The following THSD7A variants were observed in gnomAD, a reference collection of about 807,000 sequenced individuals.
THSD7A encodes thrombospondin type-1 domain-containing protein 7A.
THSD7A carries 96 observed loss-of-function variants against 231.3 expected under a neutral mutation model. The ratio of observed to expected loss-of-function variants is 0.41; its 90% CI spans 0.35 to 0.49. The LOEUF (loss-of-function observed/expected upper bound fraction) is 0.49, where lower values mean the gene tolerates loss of function less well. Among genes scored for constraint, THSD7A ranks in the 20% least tolerant of loss-of-function variants. The pLI is 0.05. For missense variants in THSD7A, 2,290 were observed against 2,070.2 expected (o/e 1.11, Z -2.06); for synonymous variants, 940 against 743.3 (o/e 1.26, Z -4.30).
At chr7:11,605,351 A>G (rs908322590) in intron 2 of THSD7A, among the ~76,000 whole-genome samples, 1 of 152,116 alleles carries the variant, frequency 6.6e-6, no homozygotes, top group African/African-American at 2.4e-5. Context: ...AATGAGCCCA[A>G]TAATTTCTCA....
intron 1 of THSD7A, among the ~76,000 whole-genome samples, chr7:11,793,573 T>C (rs541529702): frequency 6.6e-6 from 1 of 151,872 alleles, no homozygotes; most frequent in African/African-American, 2.4e-5. Context: ...AGATATATTG[T>C]TTTAAAATGA....
At chr7:11,385,623 A>G (rs1214382382) in intron 23 of THSD7A, 1 of 152,094 alleles carries the variant, frequency 6.6e-6, no homozygotes, top group African/African-American at 2.4e-5. Context: ...TTATTTGGTT[A>G]TCTTTGTATT....
chr7:11,544,005 G>C (rs1279010245), intron 4 of THSD7A, among the ~76,000 whole-genome samples: 1 of 151,910 alleles, frequency 6.6e-6, no homozygotes, highest in African/African-American at 2.4e-5. Context: ...TATAATATCT[G>C]TCTGTCTATC....
rs1005281250 is a variant in THSD7A at position 11,370,700 on chromosome 7, T to C, written c.*5094A>G. Reference sequence around the variant, plus strand: ...CAAAAATTCTTAGACAGCTGCCTCCTTATTTAAACAAAATAAATATTCAGG... The same window carrying C: ...CAAAAATTCTTAGACAGCTGCCTCCCTATTTAAACAAAATAAATATTCAGG... On this transcript the variant is annotated 3_prime_UTR_variant, in exon 28 of 28. Transcript: ENST00000423059. 2 of 152,002 alleles carry C rather than the reference T, an allele frequency of 1.3e-5. No homozygotes were observed. The highest frequency in any genetic ancestry group is 2.9e-5 in the Non-Finnish European group (2 of 68,014). The allele number at this position is 152,002 out of a possible 1,614,324, so 9.4% of individuals were successfully genotyped here.
intron 22 of THSD7A, among the ~76,000 whole-genome samples, chr7:11,405,385 GAA>G (rs1443409641): frequency 6.6e-6 from 1 of 151,972 alleles, no homozygotes; most frequent in Non-Finnish European, 1.5e-5. Flanking sequence ...ACATTCAAAA[GAA>G]AATATTGTGA....
In THSD7A at chr7:11,541,520, T is replaced by G; in HGVS notation, c.1721A>C (p.Tyr574Ser). The change falls in exon 6 of 28, where the codon TAT becomes TCT. Residue 574 changes from tyrosine (Y) to serine (S), a missense_variant. By Grantham distance (144) the Tyr-to-Ser change is moderately radical (BLOSUM62 -2). Coordinates refer to ENST00000423059, the MANE Select transcript of THSD7A (RefSeq NM_015204.3). Reference protein sequence around the residue: ...EAIPCEEPACYDWKAVRLGNC... With the variant: ...EAIPCEEPACSDWKAVRLGNC... ...TCCCAGTCTCACTGCTTTCCAGTCATAACAGGCAGGCTCTTCACAGGGAAT... is the reference window on the plus strand; with the variant it reads ...TCCCAGTCTCACTGCTTTCCAGTCAGAACAGGCAGGCTCTTCACAGGGAAT... 1.2e-6 allele frequency: 2 copies of G among 1,613,946 alleles called. No individual in the cohort carries two copies. The highest frequency in any genetic ancestry group is 1.7e-6 in the Non-Finnish European group (2 of 1,179,874).
chr7:11,792,245 T>C (rs1311493802), intron 1 of THSD7A, among the ~76,000 whole-genome samples: 1 of 152,012 alleles, frequency 6.6e-6, no homozygotes, highest in African/African-American at 2.4e-5. Flanking sequence ...CTGATCAGTC[T>C]GCTGGTAATA....
chr7:11,561,486 G>C (rs1790074606), intron 4 of THSD7A, among the ~76,000 whole-genome samples: 1 of 152,134 alleles, frequency 6.6e-6, no homozygotes, highest in Middle Eastern at 3.2e-3. Context: ...ACTGATAACA[G>C]TAAGCACTTA....
chr7:11,816,908 A>T (rs1784719296), intron 1 of THSD7A, among the ~76,000 whole-genome samples: 1 of 152,202 alleles, frequency 6.6e-6, no homozygotes. Context: ...ATATGCATGC[A>T]TCTAGATATG....
At chr7:11,529,305 T>C (rs1490142919) in intron 6 of THSD7A, among the ~76,000 whole-genome samples, 2 of 152,190 alleles carry the variant, frequency 1.3e-5, no homozygotes, top group Non-Finnish European at 1.5e-5. Flanking sequence ...TAGACATTTA[T>C]TTAAGGCCAT....
intron 1 of THSD7A, among the ~76,000 whole-genome samples, chr7:11,653,764 G>A (rs1435941816): frequency 2.6e-5 from 4 of 151,804 alleles, no homozygotes; most frequent in African/African-American, 9.7e-5. Flanking sequence ...CTGAAGTCTA[G>A]TTTATACCAG....
At chr7:11,802,169 T>G (rs757508775) in intron 1 of THSD7A, among the ~76,000 whole-genome samples, 1 of 152,146 alleles carries the variant, frequency 6.6e-6, no homozygotes, top group African/African-American at 2.4e-5. Context: ...TAGGAAATCA[T>G]TCAAAATCCA....
In THSD7A at chr7:11,410,122, T is replaced by A. The variant is rs565206083; in HGVS notation, c.3798+1085A>T. ...AACTAAAATGATTCAAGTGTGAAAT[T>A]TCTAATTATTCAAGTTTAAATAATG... On this transcript the variant is annotated intron_variant, in intron 19 of 27. Transcript: ENST00000423059. 1.3e-3 allele frequency among the ~76,000 whole-genome samples: 193 copies of A among 152,342 alleles called. 1 individual carries two copies. Among genetic ancestry groups the A allele is most frequent in the Middle Eastern group, 0.01 (3 of 294 alleles).
chr7:11,434,403 C>A (rs1026344023), intron 13 of THSD7A, among the ~76,000 whole-genome samples: 5 of 152,052 alleles, frequency 3.3e-5, no homozygotes, highest in Non-Finnish European at 7.4e-5. Context: ...AAAGTGGCAA[C>A]TGGAGGACAT....
chr7:11,457,771 T>A (rs1404603836), intron 11 of THSD7A, among the ~76,000 whole-genome samples: 2 of 152,096 alleles, frequency 1.3e-5, no homozygotes, highest in African/African-American at 4.8e-5. Flanking sequence ...TTTGTTTTTC[T>A]TACCTCAAAC....
intron 6 of THSD7A, among the ~76,000 whole-genome samples, chr7:11,539,959 G>T (rs1404102704): frequency 6.6e-6 from 1 of 152,160 alleles, no homozygotes; most frequent in Admixed American, 6.5e-5. Flanking sequence ...AATTCAATAC[G>T]ACCCTGACTG....
chr7:11,439,664 T>C (rs993088748), intron 13 of THSD7A, among the ~76,000 whole-genome samples: 1 of 151,990 alleles, frequency 6.6e-6, no homozygotes, highest in African/African-American at 2.4e-5. Flanking sequence ...AGTCAGAACA[T>C]TCCCTTAAAC....
chr7:11,817,548 A>G (rs576402284), intron 1 of THSD7A, among the ~76,000 whole-genome samples: 1 of 152,340 alleles, frequency 6.6e-6, no homozygotes, highest in East Asian at 1.9e-4. Context: ...AGATCCAAGG[A>G]GGAAGAGGAA....
At chr7:11,434,895 A>G (rs1297119545) in intron 13 of THSD7A, among the ~76,000 whole-genome samples, 2 of 152,044 alleles carry the variant, frequency 1.3e-5, no homozygotes, top group African/African-American at 2.4e-5. Flanking sequence ...CTATATTCCA[A>G]TGTTCTACCC....
Sources: gnomAD v4.1 joint callset for allele counts (sites outside exome capture counted in the v4.1 genomes callset) on GRCh38, gnomAD v4.1.1 for gene constraint, MANE v1.5 for transcripts, NCBI Gene and HGNC (gene_info 2026-07-23, HGNC 2026-07-21) for gene names.